Variants in CNGA1 observed in about 807,000 individuals in gnomAD.
CNGA1 encodes cyclic nucleotide gated channel subunit alpha 1, also known as cyclic nucleotide-gated channel alpha-1.
CNGA1 carries 53 observed loss-of-function variants against 69.7 expected under a neutral mutation model. The observed-to-expected ratio is 0.76, with a 90% CI of 0.61 to 0.96. The LOEUF is 0.96. Ranked by LOEUF, CNGA1 falls within the 40% of genes least tolerant of loss-of-function variation. The pLI is 0.00. For missense variants in CNGA1, 739 were observed against 811.2 expected (o/e 0.91, Z 1.08); for synonymous variants, 249 against 283.5 (o/e 0.88, Z 1.22).
At position 47,952,653 on chromosome 4, in the gene CNGA1, CA is replaced by C. The variant is rs764594811; in HGVS notation, c.36del (p.Phe12LeufsTer2). On this transcript the variant is annotated frameshift_variant, in exon 4 of 11. Transcript: ENST00000514170. LOFTEE classifies it high-confidence loss of function. ...KNNIINTQQS[F>X]VTMPNVIVPD... The stretch of plus-strand genomic sequence containing the variant: ...GGTACAATCACATTGGGCATGGTTA[CA>C]AAAGACTGCTGTGTATTGATAATAT... The C allele has an allele frequency of 6.2e-7, 1 of 1,608,706 alleles. No homozygotes were observed. The highest frequency in any genetic ancestry group is 1.7e-5 in the Admixed American group (1 of 59,830).
At chr4:48,016,247 G>T (rs938764114) in intron 1 of CNGA1, among the ~76,000 whole-genome samples, 2 of 152,134 alleles carry the variant, frequency 1.3e-5, no homozygotes, top group African/African-American at 4.8e-5. Flanking sequence ...GACGGACAGC[G>T]ACAGAAGCTG....
intron 2 of CNGA1, among the ~76,000 whole-genome samples, chr4:48,008,368 A>G (rs940417023): frequency 2.6e-5 from 4 of 151,912 alleles, no homozygotes; most frequent in Non-Finnish European, 5.9e-5. Context: ...ACCAAAATAT[A>G]CCTCTTTATT....
At chr4:48,013,874 C>T (rs1437665204) in intron 1 of CNGA1, among the ~76,000 whole-genome samples, 2 of 152,098 alleles carry the variant, frequency 1.3e-5, no homozygotes, top group East Asian at 3.8e-4. Context: ...CATCTTATTC[C>T]TTGCCCCAGA....
At chr4:47,980,089 T>A (rs1480979201) in intron 3 of CNGA1, among the ~76,000 whole-genome samples, 5 of 152,168 alleles carry the variant, frequency 3.3e-5, no homozygotes, top group Admixed American at 6.5e-5. Flanking sequence ...GTACAACAGG[T>A]AAATAATAGG....
At chr4:47,944,757 G>A (rs1739293338) in intron 6 of CNGA1, among the ~76,000 whole-genome samples, 1 of 152,158 alleles carries the variant, frequency 6.6e-6, no homozygotes, top group Non-Finnish European at 1.5e-5. Flanking sequence ...CAGGGCTGAT[G>A]GTGGGAAATG....
At chr4:48,016,274 GC>G (rs750764189) in intron 1 of CNGA1, among the ~76,000 whole-genome samples, 4 of 152,152 alleles carry the variant, frequency 2.6e-5, no homozygotes, top group Non-Finnish European at 4.4e-5. Context: ...GCACAGAAGG[GC>G]AAAGTCTGCT....
At chr4:47,999,984 A>G (rs974935971) in intron 2 of CNGA1, among the ~76,000 whole-genome samples, 1 of 152,108 alleles carries the variant, frequency 6.6e-6, no homozygotes, top group Non-Finnish European at 1.5e-5. Context: ...CAAATTTAAA[A>G]CACAGGAAAA....
At chr4:48,001,709 C>G (rs1030954312) in intron 2 of CNGA1, among the ~76,000 whole-genome samples, 9 of 152,154 alleles carry the variant, frequency 5.9e-5, no homozygotes, top group Non-Finnish European at 1.2e-4. Context: ...TTCTAAAACA[C>G]TACACCCAGC....
chr4:47,988,726 GCCT>G (rs1469572447), intron 2 of CNGA1, among the ~76,000 whole-genome samples: 1 of 151,874 alleles, frequency 6.6e-6, no homozygotes, highest in East Asian at 1.9e-4. Flanking sequence ...TCATCAAATT[GCCT>G]CCTCAAAATA....
At chr4:47,950,621 T>A (rs76018335) in intron 5 of CNGA1, among the ~76,000 whole-genome samples, 631 of 151,186 alleles carry the variant, frequency 4.2e-3, no homozygotes, top group South Asian at 0.02. Context: ...ATAAAAACAA[T>A]GGGAAGGCTG....
At chr4:48,014,778 A>G (rs981126982) in intron 1 of CNGA1, among the ~76,000 whole-genome samples, 1 of 152,246 alleles carries the variant, frequency 6.6e-6, no homozygotes, top group Non-Finnish European at 1.5e-5. Context: ...AGTGTTTGTT[A>G]AATAAAAAAT....
At chr4:47,971,158 ATATC>A in intron 3 of CNGA1, 1 of 431,758 alleles carries the variant, frequency 2.3e-6, no homozygotes, top group Non-Finnish European at 4.5e-6. Flanking sequence ...ATATATGTAA[ATATC>A]TATATTTGTG....
At chr4:47,948,723 G>A (rs375065811) in intron 6 of CNGA1, among the ~76,000 whole-genome samples, 2 of 152,172 alleles carry the variant, frequency 1.3e-5, no homozygotes, top group South Asian at 4.1e-4. Flanking sequence ...TTGCACCTAG[G>A]TGGTCTTTTG....
chr4:47,951,560 A>G, intron 4 of CNGA1, 91 bp from the exon 5 acceptor site: 1 of 835,130 alleles, frequency 1.2e-6, no homozygotes, highest in Non-Finnish European at 2.1e-6. Context: ...CAATTGCCTC[A>G]CCTCTTTTCC....
At chr4:47,959,726 C>T (rs7698721) in intron 3 of CNGA1, among the ~76,000 whole-genome samples, 15,843 of 152,114 alleles carry the variant, frequency 0.1, 1,297 homozygotes, top group East Asian at 0.31. Context: ...GCCTCAGTCA[C>T]CAGAGTAGCT....
At chr4:48,012,048 C>T (rs1715189316) in intron 1 of CNGA1, among the ~76,000 whole-genome samples, 1 of 152,156 alleles carries the variant, frequency 6.6e-6, no homozygotes, top group African/African-American at 2.4e-5. Context: ...AACAGCTTTG[C>T]AGGGCCACTT....
chr4:47,947,423 C>T (rs1053798659), intron 6 of CNGA1, among the ~76,000 whole-genome samples: 6 of 152,100 alleles, frequency 3.9e-5, no homozygotes, highest in African/African-American at 1.4e-4. Flanking sequence ...GCCTGTAATC[C>T]CAGCACTTTA....
intron 2 of CNGA1, among the ~76,000 whole-genome samples, chr4:47,988,788 A>G (rs1742104527): frequency 6.6e-6 from 1 of 152,088 alleles, no homozygotes; most frequent in African/African-American, 2.4e-5. Flanking sequence ...TTTATTTAGT[A>G]CCTATTAACT....
chr4:48,000,952 A>G (rs1714642330), intron 2 of CNGA1, among the ~76,000 whole-genome samples: 1 of 152,190 alleles, frequency 6.6e-6, no homozygotes, highest in Non-Finnish European at 1.5e-5. Context: ...GCAAATCTAC[A>G]TTATAGGAAA....
Sources: gnomAD v4.1 joint callset for allele counts (sites outside exome capture counted in the v4.1 genomes callset) on GRCh38, gnomAD v4.1.1 for gene constraint, MANE v1.5 for transcripts, NCBI Gene and HGNC (gene_info 2026-07-23, HGNC 2026-07-21) for gene names.